Variants in CEP162 observed in about 807,000 individuals in gnomAD.
CEP162 encodes the protein centrosomal protein of 162 kDa.
Under a neutral mutation model 169.2 loss-of-function variants are expected in CEP162, and 141 were observed. The observed-to-expected ratio is 0.83, with a 90% confidence interval of 0.73 to 0.96. The LOEUF (loss-of-function observed/expected upper bound fraction) is 0.96. CEP162 is among the 40% of genes least tolerant of loss of function. The pLI, the probability that CEP162 is intolerant of heterozygous loss-of-function variation, is 0.00. For synonymous variants in CEP162, 540 were observed against 526.4 expected (o/e 1.03, Z -0.35); for missense variants, 1,600 against 1,587.2 (o/e 1.01, Z -0.14).
rs151155626 is a variant in CEP162, at chr6:84,128,007, C to T, written c.3871-1495G>A. Among the ~76,000 whole-genome samples the T allele has an allele frequency of 3.0e-3, 456 of 152,222 alleles. 2 individuals carry two copies. Among genetic ancestry groups the T allele is most frequent in the African/African-American group, 0.01 (416 of 41,544 alleles). ...CAGATGTCTCATTTTTTTATTAAGCCTTATATATGTTTACTGTCTGACTCC... is the reference window on the plus strand; with the variant it reads ...CAGATGTCTCATTTTTTTATTAAGCTTTATATATGTTTACTGTCTGACTCC... On this transcript the variant is annotated intron_variant, in intron 25 of 26. Transcript: ENST00000403245.
intron 9 of CEP162, 65 bp downstream of exon 9, chr6:84,200,724 T>C (rs1429575876): frequency 2.5e-5 from 18 of 720,294 alleles, no homozygotes; most frequent in Non-Finnish European, 4.0e-5. Flanking sequence ...TCCTTAGAAA[T>C]GTAGTCATAT....
At chr6:84,149,237 C>G (rs953833819) in intron 24 of CEP162, among the ~76,000 whole-genome samples, 3 of 151,972 alleles carry the variant, frequency 2.0e-5, no homozygotes, top group Non-Finnish European at 4.4e-5. Context: ...TACTAGGGTC[C>G]TAATCATGTT....
intron 3 of CEP162, 83 bp from the exon 4 acceptor site, chr6:84,216,005 G>T: frequency 7.1e-7 from 1 of 1,413,416 alleles, no homozygotes. Flanking sequence ...ATAATGTTAT[G>T]CTAATTTTGT....
At chr6:84,167,349 G>C (rs886206397) in intron 18 of CEP162, among the ~76,000 whole-genome samples, 1 of 152,050 alleles carries the variant, frequency 6.6e-6, no homozygotes, top group Non-Finnish European at 1.5e-5. Context: ...CCACAGCTCT[G>C]TTTAATGTTT....
chr6:84,203,880 G>T (rs1226397627), intron 7 of CEP162, 101 bp downstream of exon 7: 1 of 529,616 alleles, frequency 1.9e-6, no homozygotes, highest in Admixed American at 3.7e-5. Flanking sequence ...CAATAAGCAA[G>T]ATTATGAAGA....
At chr6:84,127,596 T>C (rs1480654770) in intron 25 of CEP162, among the ~76,000 whole-genome samples, 2 of 152,160 alleles carry the variant, frequency 1.3e-5, no homozygotes, top group Admixed American at 1.3e-4. Context: ...AAAAAACTAA[T>C]GACTAAACTA....
chr6:84,158,226 G>C lies in CEP162; in HGVS notation c.2781+2586C>G, dbSNP rs77193906. On this transcript the variant is annotated intron_variant, in intron 21 of 26. Coordinates refer to ENST00000403245, the MANE Select transcript of CEP162 (RefSeq NM_014895.4). ...AGAGGCAGTCTAGTGTCAGTTAAGAGCATATTTGGGTTAGACTGTGCCACC... is the reference window on the plus strand; with the variant it reads ...AGAGGCAGTCTAGTGTCAGTTAAGACCATATTTGGGTTAGACTGTGCCACC... Among the ~76,000 whole-genome samples the C allele has an allele frequency of 2.9e-3, 446 of 152,308 alleles. 1 individual carries two copies. The highest frequency in any genetic ancestry group is 0.01 in the African/African-American group (436 of 41,560).
intron 18 of CEP162, among the ~76,000 whole-genome samples, chr6:84,164,094 G>T (rs1444576924): frequency 1.3e-5 from 2 of 150,996 alleles, no homozygotes; most frequent in Non-Finnish European, 2.9e-5. Context: ...ACAAACATAT[G>T]AAAAAAAGCT....
chr6:84,204,809 C>T (rs2099546068), intron 6 of CEP162, among the ~76,000 whole-genome samples: 1 of 151,920 alleles, frequency 6.6e-6, no homozygotes, highest in African/African-American at 2.4e-5. Flanking sequence ...TTGAAAAGAT[C>T]AACAAAATTG....
At chr6:84,178,933 A>T (rs1159779987) in intron 13 of CEP162, among the ~76,000 whole-genome samples, 2 of 152,112 alleles carry the variant, frequency 1.3e-5, no homozygotes, top group Non-Finnish European at 2.9e-5. Context: ...TCCTTGCGAT[A>T]GTTTGCTGAG....
intron 12 of CEP162, 68 bp downstream of exon 12, chr6:84,186,264 T>G: frequency 1.2e-6 from 1 of 833,632 alleles, no homozygotes; most frequent in South Asian, 1.7e-5. Flanking sequence ...CACCTACCAA[T>G]AGTACTTATA....
chr6:84,134,937 CACACACACACACACACACAT>C (rs2099513330), intron 25 of CEP162, among the ~76,000 whole-genome samples: 2 of 150,076 alleles, frequency 1.3e-5, no homozygotes, highest in South Asian at 4.2e-4. Flanking sequence ...CACACACACA[CACACACACACACACACACAT>C]ATATAGTGTT....
At chr6:84,187,086 A>T (rs1423646360) in intron 11 of CEP162, among the ~76,000 whole-genome samples, 3 of 152,214 alleles carry the variant, frequency 2.0e-5, no homozygotes, top group Non-Finnish European at 4.4e-5. Flanking sequence ...GGCATAGAGT[A>T]TAAATACTAA....
chr6:84,216,834 T>C (rs2099551741), intron 3 of CEP162, among the ~76,000 whole-genome samples: 1 of 152,160 alleles, frequency 6.6e-6, no homozygotes. Flanking sequence ...GACCATGAGT[T>C]AATAACAACT....
chr6:84,174,210 G>A, intron 15 of CEP162, 22 bp from the exon 16 acceptor site: 1 of 1,584,464 alleles, frequency 6.3e-7, no homozygotes, highest in Non-Finnish European at 8.6e-7. Context: ...TGCAGAAATT[G>A]TTTTATTTGG....
intron 2 of CEP162, among the ~76,000 whole-genome samples, chr6:84,222,465 C>T (rs2099554078): frequency 6.6e-6 from 1 of 152,172 alleles, no homozygotes; most frequent in Admixed American, 6.5e-5. Flanking sequence ...TCTCATTCTA[C>T]ATTACTTTTT....
intron 2 of CEP162, among the ~76,000 whole-genome samples, chr6:84,225,040 T>C (rs939843688): frequency 5.9e-5 from 9 of 152,344 alleles, no homozygotes; most frequent in African/African-American, 1.9e-4. Flanking sequence ...ATGAGACGGA[T>C]AATGAAGTTT....
intron 21 of CEP162, among the ~76,000 whole-genome samples, chr6:84,159,975 T>G (rs62449289): frequency 0.053 from 8,108 of 152,136 alleles, 261 homozygotes; most frequent in Admixed American, 0.09. Context: ...AAAATAGGTC[T>G]TGTAAAAGTA....
intron 4 of CEP162, 28 bp from the exon 5 acceptor site, chr6:84,215,493 G>A: frequency 1.4e-6 from 2 of 1,463,474 alleles, no homozygotes; most frequent in Non-Finnish European, 1.8e-6. Flanking sequence ...ATATATTTTA[G>A]TAATATACAG....
Sources: allele counts gnomAD v4.1 joint callset (sites outside exome capture counted in the v4.1 genomes callset), GRCh38; gene constraint gnomAD v4.1.1; transcripts MANE v1.5; gene names NCBI Gene and HGNC (gene_info 2026-07-23, HGNC 2026-07-21).